Variants in NMBR observed in about 807,000 individuals in gnomAD.
The protein encoded by NMBR is neuromedin-B receptor.
NMBR carries 16 observed loss-of-function variants against 20.5 expected under a neutral mutation model. The observed-to-expected ratio is 0.78, with a 90% CI of 0.53 to 1.19. NMBR has a LOEUF of 1.19. NMBR is among the 50% of genes most tolerant of loss of function. The pLI is 0.00. For missense variants in NMBR, 582 were observed against 499.1 expected, an observed-to-expected ratio of 1.17 and a Z score of -1.58; for synonymous variants, 212 against 196.6, an observed-to-expected ratio of 1.08 and a Z score of -0.65.
At position 142,079,119 on chromosome 6, in the gene NMBR, AAAGAAAG is replaced by A. The variant is rs1446434590; in HGVS notation, c.423-223_423-217del. ...AAGAGAGAGAGAGAAAGAAAGAAAG[AAAGAAAG>A]AAGAAAGAAAGAAAGAAAAAGAAGA... On this transcript the variant is annotated intron_variant, in intron 2 of 3. Transcript: ENST00000258042. 1.7e-3 allele frequency among the ~76,000 whole-genome samples: 143 copies of A among 84,138 alleles called. No homozygotes were observed. The East Asian group carries it at 0.027, about 16-fold the overall frequency. The allele number at this position is 84,138 out of a possible 152,430, so 55.2% of individuals were successfully genotyped here.
At chr6:142,077,036 T>C (rs1490698805) in intron 3 of NMBR, among the ~76,000 whole-genome samples, 1 of 152,192 alleles carries the variant, frequency 6.6e-6, no homozygotes, top group Non-Finnish European at 1.5e-5. Flanking sequence ...AATGTGATGT[T>C]CCACATGGAT....
At chr6:142,079,568 T>C (rs1777050949) in intron 2 of NMBR, among the ~76,000 whole-genome samples, 1 of 152,212 alleles carries the variant, frequency 6.6e-6, no homozygotes, top group African/African-American at 2.4e-5. Context: ...AATTCTTCCT[T>C]GATACTTTTC....
intron 1 of NMBR, among the ~76,000 whole-genome samples, chr6:142,115,826 T>C (rs1160501093): frequency 6.6e-6 from 1 of 152,112 alleles, no homozygotes; most frequent in Non-Finnish European, 1.5e-5. Flanking sequence ...CTTTGAATTA[T>C]GATTTTAAGA....
At chr6:142,135,655 C>G (rs922110338) in intron 1 of NMBR, among the ~76,000 whole-genome samples, 3 of 145,360 alleles carry the variant, frequency 2.1e-5, no homozygotes, top group Admixed American at 6.9e-5. Flanking sequence ...CTCGCCCCAC[C>G]CCACAACAGT....
At chr6:142,111,534 C>T (rs1304531229) in intron 1 of NMBR, among the ~76,000 whole-genome samples, 5 of 152,144 alleles carry the variant, frequency 3.3e-5, no homozygotes, top group Non-Finnish European at 1.5e-5. Context: ...ATGTATTTGT[C>T]TCTTAACCTT....
At position 142,077,677 on chromosome 6, in the gene NMBR, G is replaced by C. The variant is rs560997799; in HGVS notation, c.771+878C>G. On this transcript the variant is annotated intron_variant, in intron 3 of 3. Transcript: ENST00000258042. Reference sequence around the variant, plus strand: ...TTTCTGCTGTTGCTAACATGCCCAAGGCCCCAGCCTAATGCTCCATCTATG... The same window carrying C: ...TTTCTGCTGTTGCTAACATGCCCAACGCCCCAGCCTAATGCTCCATCTATG... Among the ~76,000 whole-genome samples the C allele has an allele frequency of 6.9e-4, 105 of 152,240 alleles. 2 individuals carry two copies. Among genetic ancestry groups the C allele is most frequent in the South Asian group, 3.3e-3 (16 of 4,824 alleles).
In NMBR at chr6:142,099,173, G is replaced by C. The variant is rs563149937; in HGVS notation, c.-663-9852C>G. On this transcript the variant is annotated intron_variant, in intron 1 of 3. Transcript: ENST00000258042. The stretch of plus-strand genomic sequence containing the variant: ...AAAAATTCACGAAAAGTAGATCACA[G>C]ACCTATATGTAAACCACAAAAATTA... Among the ~76,000 whole-genome samples, 10 of 152,226 alleles carry C rather than the reference G, an allele frequency of 6.6e-5. No homozygotes were observed. The South Asian group carries it at 1.0e-3, about 16-fold the overall frequency.
chr6:142,143,304 A>T (rs1275585010), intron 1 of NMBR, among the ~76,000 whole-genome samples: 1 of 152,212 alleles, frequency 6.6e-6, no homozygotes, highest in Non-Finnish European at 1.5e-5. Flanking sequence ...TTATTTTTTG[A>T]GACGGAGTCT....
At chr6:142,104,602 A>G (rs1777626858) in intron 1 of NMBR, among the ~76,000 whole-genome samples, 1 of 152,196 alleles carries the variant, frequency 6.6e-6, no homozygotes, top group South Asian at 2.1e-4. Flanking sequence ...ATTTAGCCAA[A>G]GTGATAATTA....
At position 142,074,724 on chromosome 6, in the gene NMBR, C is replaced by T. The variant is rs1776893948; in HGVS notation, c.*924G>A. On this transcript the variant is annotated 3_prime_UTR_variant, in exon 4 of 4. Coordinates refer to ENST00000258042, the MANE Select transcript of NMBR (RefSeq NM_002511.4). Reference sequence around the variant, plus strand: ...TGGAATTACACAAATCTTATCACATCTATACACAATCATCCAAATATTCGA... The same window carrying T: ...TGGAATTACACAAATCTTATCACATTTATACACAATCATCCAAATATTCGA... Among the ~76,000 whole-genome samples the T allele has an allele frequency of 6.6e-6, 1 of 151,978 alleles. No individual in the cohort carries two copies. The highest frequency in any genetic ancestry group is 2.1e-4 in the South Asian group (1 of 4,830).
intron 3 of NMBR, 133 bp downstream of exon 3, chr6:142,078,422 C>A (rs1341910426): frequency 1.7e-6 from 1 of 596,116 alleles, no homozygotes; most frequent in African/African-American, 1.9e-5. Context: ...CCCACATATC[C>A]CTTCTAGTTA....
intron 2 of NMBR, among the ~76,000 whole-genome samples, chr6:142,079,658 A>C (rs1282358625): frequency 6.6e-6 from 1 of 152,204 alleles, no homozygotes; most frequent in Admixed American, 6.5e-5. Flanking sequence ...GATTGGTCAT[A>C]CTACATTTTG....
At chr6:142,100,553 A>C (rs1214066972) in intron 1 of NMBR, among the ~76,000 whole-genome samples, 2 of 152,218 alleles carry the variant, frequency 1.3e-5, no homozygotes, top group Non-Finnish European at 2.9e-5. Flanking sequence ...CTGGAGGAGG[A>C]AAGGACAAAT....
chr6:142,131,230 T>A (rs928664085), intron 1 of NMBR, among the ~76,000 whole-genome samples: 4 of 152,142 alleles, frequency 2.6e-5, no homozygotes, highest in Admixed American at 6.5e-5. Context: ...GTAATGAAAG[T>A]GAAGACATGC....
intron 3 of NMBR, among the ~76,000 whole-genome samples, chr6:142,076,955 G>C (rs955081359): frequency 6.6e-6 from 1 of 152,172 alleles, no homozygotes. Flanking sequence ...TCTGATGGTA[G>C]GTAGCAATAG....
intron 1 of NMBR, among the ~76,000 whole-genome samples, chr6:142,108,758 A>T (rs1777705683): frequency 6.6e-6 from 1 of 152,084 alleles, no homozygotes; most frequent in South Asian, 2.1e-4. Context: ...GCCCCTTCCA[A>T]ATATCATGTC....
intron 2 of NMBR, among the ~76,000 whole-genome samples, chr6:142,085,905 G>C (rs1336046787): frequency 6.6e-6 from 1 of 151,820 alleles, no homozygotes; most frequent in Non-Finnish European, 1.5e-5. Flanking sequence ...GTTTATTATA[G>C]TTTTTATTGC....
At chr6:142,125,323 G>T (rs888179889) in intron 1 of NMBR, among the ~76,000 whole-genome samples, 1 of 151,772 alleles carries the variant, frequency 6.6e-6, no homozygotes, top group Non-Finnish European at 1.5e-5. Flanking sequence ...TTGTTTTCCA[G>T]ATGTAAAATA....
chr6:142,107,155 T>C (rs1175721707), intron 1 of NMBR, among the ~76,000 whole-genome samples: 1 of 152,180 alleles, frequency 6.6e-6, no homozygotes, highest in Non-Finnish European at 1.5e-5. Flanking sequence ...AAGCCTAGTT[T>C]ACCTGAGGGC....
Sources: gnomAD v4.1 joint callset for allele counts (sites outside exome capture counted in the v4.1 genomes callset) on GRCh38, gnomAD v4.1.1 for gene constraint, MANE v1.5 for transcripts, NCBI Gene and HGNC (gene_info 2026-07-23, HGNC 2026-07-21) for gene names.